The following CPNE8 variants were observed in gnomAD, a reference collection of about 807,000 sequenced individuals.
CPNE8 encodes the protein copine 8.
In CPNE8, 45 loss-of-function variants were observed where a neutral mutation model predicts 81.5. The observed-to-expected ratio is 0.55, with a 90% CI of 0.44 to 0.71. The LOEUF is 0.71. Among genes scored for constraint, CPNE8 ranks in the 30% least tolerant of loss-of-function variants. CPNE8 has a pLI of 0.00. For synonymous variants in CPNE8, 252 were observed against 226.3 expected (o/e 1.11, Z -1.02); for missense variants, 594 against 672.1 (o/e 0.88, Z 1.28).
chr12:38,836,955 C>T (rs778691148), intron 5 of CPNE8, among the ~76,000 whole-genome samples: 5 of 152,080 alleles, frequency 3.3e-5, no homozygotes, highest in African/African-American at 9.7e-5. Flanking sequence ...TCTTCTCTTT[C>T]GACATCCTTC....
intron 18 of CPNE8, among the ~76,000 whole-genome samples, chr12:38,673,820 T>C (rs1939231537): frequency 6.6e-6 from 1 of 151,844 alleles, no homozygotes; most frequent in African/African-American, 2.4e-5. Flanking sequence ...TCACTCTCAT[T>C]TGGAGCAGCA....
chr12:38,831,824 C>A (rs2137026398), intron 5 of CPNE8, among the ~76,000 whole-genome samples: 1 of 152,232 alleles, frequency 6.6e-6, no homozygotes, highest in East Asian at 1.9e-4. Context: ...AGCAAAAAAA[C>A]ACACAAGGGC....
intron 14 of CPNE8, among the ~76,000 whole-genome samples, chr12:38,698,286 T>C (rs1264294203): frequency 6.6e-6 from 1 of 152,186 alleles, no homozygotes; most frequent in South Asian, 2.1e-4. Flanking sequence ...TGTAAGTTAT[T>C]TATATATTCT....
chr12:38,802,981 C>A (rs1476091796), intron 6 of CPNE8, among the ~76,000 whole-genome samples: 1 of 141,256 alleles, frequency 7.1e-6, no homozygotes, highest in Non-Finnish European at 1.5e-5. Context: ...TCTGAATAGA[C>A]CAATAACAGG....
chr12:38,893,008 A>T (rs1268932234), intron 1 of CPNE8, among the ~76,000 whole-genome samples: 1 of 134,794 alleles, frequency 7.4e-6, no homozygotes, highest in Non-Finnish European at 1.5e-5. Context: ...ATAGTTCTTT[A>T]AAAAAAAAAC....
intron 12 of CPNE8, 46 bp from the exon 13 acceptor site, chr12:38,723,879 C>A: frequency 1.5e-5 from 15 of 1,011,656 alleles, no homozygotes; most frequent in Non-Finnish European, 2.1e-5. Context: ...TTTGTGACCC[C>A]AAATAGACCT....
Position 38,665,447 on chromosome 12 carries a change from T to C in CPNE8, c.1506+5282A>G, listed in dbSNP as rs1439330894. Among the ~76,000 whole-genome samples the C allele has an allele frequency of 5.3e-5, 8 of 152,154 alleles. No individual in the cohort carries two copies. In the East Asian group the frequency reaches 1.5e-3, roughly 29 times the overall value. On this transcript the variant is annotated intron_variant, in intron 19 of 19. Coordinates refer to ENST00000331366, the MANE Select transcript of CPNE8 (RefSeq NM_153634.3). ...TACATCTTTTTTCAGCACCCACAAG[T>C]GTAGGGAAAATGTTCCACATGACTG...
intron 6 of CPNE8, among the ~76,000 whole-genome samples, chr12:38,794,644 C>T (rs1030251472): frequency 6.9e-6 from 1 of 145,568 alleles, no homozygotes; most frequent in East Asian, 2.2e-4. Flanking sequence ...TAAAAAAAAA[C>T]TACTATAAAA....
chr12:38,690,351 A>G (rs1355333995), intron 15 of CPNE8, among the ~76,000 whole-genome samples: 1 of 152,226 alleles, frequency 6.6e-6, no homozygotes, highest in Non-Finnish European at 1.5e-5. Flanking sequence ...CTATCTCACT[A>G]AAGACCTACT....
chr12:38,739,360 T>C (rs1262481342), intron 10 of CPNE8, among the ~76,000 whole-genome samples: 2 of 152,140 alleles, frequency 1.3e-5, no homozygotes, highest in Non-Finnish European at 2.9e-5. Context: ...TGAAGTAAAA[T>C]TTCAGAATTA....
At chr12:38,889,351 C>A (rs73086062) in intron 1 of CPNE8, among the ~76,000 whole-genome samples, 1 of 152,148 alleles carries the variant, frequency 6.6e-6, no homozygotes, top group Non-Finnish European at 1.5e-5. Context: ...CTTGAACTAT[C>A]GGCAGAGTCC....
intron 15 of CPNE8, among the ~76,000 whole-genome samples, chr12:38,689,740 T>C (rs1367024230): frequency 1.3e-5 from 2 of 152,174 alleles, no homozygotes; most frequent in African/African-American, 4.8e-5. Flanking sequence ...AGGTGTAGCG[T>C]TTCTCTATTG....
intron 6 of CPNE8, among the ~76,000 whole-genome samples, chr12:38,785,227 G>C (rs1942153271): frequency 6.7e-6 from 1 of 149,258 alleles, no homozygotes; most frequent in Non-Finnish European, 1.5e-5. Context: ...GGAGCAATAA[G>C]AAATCATCTG....
intron 13 of CPNE8, among the ~76,000 whole-genome samples, chr12:38,706,605 T>C (rs1425550410): frequency 1.3e-5 from 2 of 152,136 alleles, no homozygotes; most frequent in South Asian, 2.1e-4. Flanking sequence ...AACACCTCAT[T>C]AGGAATAAAA....
intron 1 of CPNE8, among the ~76,000 whole-genome samples, chr12:38,900,348 C>G (rs768933563): frequency 7.2e-5 from 11 of 152,106 alleles, no homozygotes; most frequent in Non-Finnish European, 1.5e-4. Context: ...GCTATGGGAC[C>G]TAGGAATGAT....
At chr12:38,667,534 A>G (rs1221649974) in intron 19 of CPNE8, among the ~76,000 whole-genome samples, 1 of 152,224 alleles carries the variant, frequency 6.6e-6, no homozygotes, top group African/African-American at 2.4e-5. Context: ...AAACTTCTCT[A>G]TGAAAGTAGA....
intron 13 of CPNE8, among the ~76,000 whole-genome samples, chr12:38,709,365 G>A (rs1940189811): frequency 6.6e-6 from 1 of 152,108 alleles, no homozygotes; most frequent in African/African-American, 2.4e-5. Context: ...TCAAAATTCT[G>A]GCATCCCATG....
chr12:38,883,770 C>G (rs952747493), intron 1 of CPNE8, among the ~76,000 whole-genome samples: 4 of 152,338 alleles, frequency 2.6e-5, no homozygotes, highest in Admixed American at 1.3e-4. Context: ...ACACAGTGTA[C>G]TCCATCAGTT....
intron 1 of CPNE8, among the ~76,000 whole-genome samples, chr12:38,881,923 G>C (rs1377274896): frequency 1.3e-5 from 2 of 152,214 alleles, no homozygotes; most frequent in Non-Finnish European, 2.9e-5. Context: ...AAAAGAGACT[G>C]AGAGCAGGAT....
Sources: allele counts gnomAD v4.1 joint callset (sites outside exome capture counted in the v4.1 genomes callset), GRCh38; gene constraint gnomAD v4.1.1; transcripts MANE v1.5; gene names NCBI Gene and HGNC (gene_info 2026-07-23, HGNC 2026-07-21).